The following ZFPM2 variants were observed in gnomAD, a reference collection of about 807,000 sequenced individuals.
The protein encoded by ZFPM2 is zinc finger protein, FOG family member 2, also known as zinc finger protein ZFPM2.
In ZFPM2, 20 loss-of-function variants were observed where a neutral mutation model predicts 98.6. The observed-to-expected ratio is 0.20, with a 90% CI of 0.14 to 0.29. The LOEUF is 0.29. ZFPM2 is among the 10% of genes least tolerant of loss of function. The probability of loss-of-function intolerance (pLI) is 1.00; values close to 1 mark genes in which losing one functional copy is unlikely to be tolerated. For missense variants in ZFPM2, 1,310 were observed against 1,388.6 expected (o/e 0.94, Z 0.90); for synonymous variants, 518 against 502.7 (o/e 1.03, Z -0.41).
In ZFPM2 at chr8:105,585,288, C is replaced by T. The variant is rs1360285435; in HGVS notation, c.420+23807C>T. On this transcript the variant is annotated intron_variant, in intron 4 of 7. Coordinates refer to ENST00000407775, the MANE Select transcript of ZFPM2 (RefSeq NM_012082.4). Reference sequence around the variant, plus strand: ...GAATGTGAATAATAGTATATGTAAACCTTTTCAGTTTGTGGTTTTGTTTTA... The same window carrying T: ...GAATGTGAATAATAGTATATGTAAATCTTTTCAGTTTGTGGTTTTGTTTTA... Among the ~76,000 whole-genome samples the T allele has an allele frequency of 2.0e-5, 3 of 152,066 alleles. No individual in the cohort carries two copies. In the East Asian group the frequency reaches 5.8e-4, roughly 29 times the overall value.
intron 1 of ZFPM2, among the ~76,000 whole-genome samples, chr8:105,365,343 G>A (rs1810486522): frequency 1.3e-5 from 2 of 152,122 alleles, no homozygotes; most frequent in Admixed American, 1.3e-4. Flanking sequence ...GGACTTAATT[G>A]CTGAGAACAT....
chr8:105,551,254 TCTC>T (rs748097220), intron 3 of ZFPM2, among the ~76,000 whole-genome samples: 1 of 152,210 alleles, frequency 6.6e-6, no homozygotes, highest in African/African-American at 2.4e-5. Context: ...TAGGACTTAT[TCTC>T]CTAAATTTTG....
intron 3 of ZFPM2, among the ~76,000 whole-genome samples, chr8:105,469,174 A>G (rs566915966): frequency 3.7e-4 from 57 of 152,184 alleles, no homozygotes; most frequent in Non-Finnish European, 7.2e-4. Context: ...GCCCACTTAT[A>G]TAATAAGTTT....
chr8:105,603,773 G>A (rs1320269807), intron 4 of ZFPM2, among the ~76,000 whole-genome samples: 1 of 151,878 alleles, frequency 6.6e-6, no homozygotes, highest in African/African-American at 2.4e-5. Flanking sequence ...AGCAGGTGGG[G>A]GTTCTTATCC....
intron 1 of ZFPM2, among the ~76,000 whole-genome samples, chr8:105,416,205 TA>T (rs992339759): frequency 2.0e-5 from 3 of 151,550 alleles, no homozygotes; most frequent in Admixed American, 6.6e-5. Flanking sequence ...CATTTAAGAA[TA>T]AAAAAATGCT....
At chr8:105,540,699 G>A (rs542129934) in intron 3 of ZFPM2, among the ~76,000 whole-genome samples, 1 of 152,138 alleles carries the variant, frequency 6.6e-6, no homozygotes, top group East Asian at 1.9e-4. Flanking sequence ...TGTTAAAGTG[G>A]CGACTCTGCA....
chr8:105,553,601 T>G (rs534335068), intron 3 of ZFPM2, among the ~76,000 whole-genome samples: 1 of 152,314 alleles, frequency 6.6e-6, no homozygotes, highest in South Asian at 2.1e-4. Context: ...GCTCTTTGTG[T>G]TGGACTAATA....
chr8:105,541,974 C>CA (rs1477249018), intron 3 of ZFPM2, among the ~76,000 whole-genome samples: 1 of 151,834 alleles, frequency 6.6e-6, no homozygotes, highest in Non-Finnish European at 1.5e-5. Context: ...AGATGAATAA[C>CA]AAGTATTACT....
rs557206483 is a variant in ZFPM2 at position 105,465,137 on chromosome 8, G to GAA, written c.301+20765_301+20766dup. On this transcript the variant is annotated intron_variant, in intron 3 of 7. Transcript: ENST00000407775. ...TAATGACTGTAGGTAAGGAAAACTGGAAAAAAAAAATTGTGGAAGATACAT... is the reference window on the plus strand; with the variant it reads ...TAATGACTGTAGGTAAGGAAAACTGGAAAAAAAAAAAATTGTGGAAGATACAT... 3.6e-3 allele frequency among the ~76,000 whole-genome samples: 527 copies of GAA among 148,138 alleles called. 2 individuals carry two copies. Among genetic ancestry groups the GAA allele is most frequent in the Non-Finnish European group, 5.7e-3 (384 of 66,790 alleles).
intron 1 of ZFPM2, among the ~76,000 whole-genome samples, chr8:105,326,836 C>T (rs912437967): frequency 6.7e-6 from 1 of 148,936 alleles, no homozygotes; most frequent in Admixed American, 6.7e-5. Context: ...TTATCATAAA[C>T]AACTCATAAA....
Position 105,622,841 on chromosome 8 carries a change from A to T in ZFPM2, c.421-11405A>T, listed in dbSNP as rs1207493160. Among the ~76,000 whole-genome samples, 12 of 152,062 alleles carry T rather than the reference A, an allele frequency of 7.9e-5. 1 individual carries two copies. The highest frequency in any genetic ancestry group is 4.6e-4 in the Admixed American group (7 of 15,260). ...ACAAAAACAAAATAAAACAAACAAA[A>T]CTGAAAACCACTCTTATGGTTCTGA... On this transcript the variant is annotated intron_variant, in intron 4 of 7. Coordinates refer to ENST00000407775, the MANE Select transcript of ZFPM2 (RefSeq NM_012082.4).
intron 5 of ZFPM2, among the ~76,000 whole-genome samples, chr8:105,749,295 T>A (rs1341552379): frequency 5.3e-5 from 8 of 152,048 alleles, no homozygotes. Context: ...TACTAGTCTC[T>A]AAGGCATTCT....
At chr8:105,507,414 G>T (rs1813726302) in intron 3 of ZFPM2, among the ~76,000 whole-genome samples, 1 of 152,140 alleles carries the variant, frequency 6.6e-6, no homozygotes, top group African/African-American at 2.4e-5. Flanking sequence ...CGTGGTGTTT[G>T]GTTCTATGTC....
chr8:105,673,187 C>CTTT (rs5893754), intron 5 of ZFPM2, among the ~76,000 whole-genome samples: 1,970 of 87,480 alleles, frequency 0.023, 133 homozygotes, highest in South Asian at 0.03. Context: ...AAATAGCATG[C>CTTT]TTTTTTTTTT....
intron 3 of ZFPM2, among the ~76,000 whole-genome samples, chr8:105,457,639 A>T: frequency 6.6e-6 from 1 of 152,228 alleles, no homozygotes; most frequent in East Asian, 1.9e-4. Flanking sequence ...AGGGAGTGGT[A>T]AATTCACATT....
At chr8:105,320,930 T>G (rs1812012783) in intron 1 of ZFPM2, among the ~76,000 whole-genome samples, 1 of 152,244 alleles carries the variant, frequency 6.6e-6, no homozygotes, top group Non-Finnish European at 1.5e-5. Flanking sequence ...TTATTCACAG[T>G]GAGCATTGCC....
chr8:105,379,534 A>G (rs1323185842), intron 1 of ZFPM2, among the ~76,000 whole-genome samples: 1 of 152,180 alleles, frequency 6.6e-6, no homozygotes, highest in Non-Finnish European at 1.5e-5. Context: ...TGGGCGGATC[A>G]CCAGAGGTCT....
chr8:105,608,263 A>G (rs560945345), intron 4 of ZFPM2, among the ~76,000 whole-genome samples: 1 of 152,238 alleles, frequency 6.6e-6, no homozygotes, highest in South Asian at 2.1e-4. Flanking sequence ...AATAAGCTGT[A>G]CAACAAGTTT....
chr8:105,330,601 T>TATATATACAC (rs1563606812), intron 1 of ZFPM2, among the ~76,000 whole-genome samples: 2 of 27,204 alleles, frequency 7.4e-5, no homozygotes, highest in African/African-American at 2.0e-4. Flanking sequence ...TATACATATA[T>TATATATACAC]ATATATATAC....
Sources: allele counts gnomAD v4.1 joint callset (sites outside exome capture counted in the v4.1 genomes callset), GRCh38; gene constraint gnomAD v4.1.1; transcripts MANE v1.5; gene names NCBI Gene and HGNC (gene_info 2026-07-23, HGNC 2026-07-21).